Variants in PODXL2 observed in about 807,000 individuals in gnomAD.
PODXL2 encodes the protein podocalyxin like 2.
In PODXL2, 17 loss-of-function variants were observed where a neutral mutation model predicts 53.4. The observed-to-expected ratio is 0.32, with a 90% CI of 0.22 to 0.48. The LOEUF (loss-of-function observed/expected upper bound fraction) is 0.48, where lower values mean the gene tolerates loss of function less well. Among genes scored for constraint, PODXL2 ranks in the 20% least tolerant of loss-of-function variants. The pLI, the probability that PODXL2 is intolerant of heterozygous loss-of-function variation, is 0.99. For synonymous variants in PODXL2, 311 were observed against 306.7 expected, an observed-to-expected ratio of 1.01 and a Z score of -0.15; for missense variants, 673 against 760.0, an observed-to-expected ratio of 0.89 and a Z score of 1.35.
In PODXL2 at chr3:127,668,567, C is replaced by T. The variant is rs1337852440; in HGVS notation, c.1333C>T (p.His445Tyr). 1.3e-6 allele frequency: 2 copies of T among 1,565,686 alleles called. No individual in the cohort carries two copies. Among genetic ancestry groups the T allele is most frequent in the Non-Finnish European group, 1.7e-6 (2 of 1,154,522 alleles). ...SLSKPSEKEQ[H>Y]LLMTLVGEQG... ...GAGCAAGCCCAGCGAGAAGGAGCAG[C>T]ACCTTCTCATGACACTGGTGGGCGA... The change falls in exon 5 of 8, where the codon CAC becomes TAC. Residue 445 changes from histidine to tyrosine, a missense_variant. His to Tyr is a moderately conservative substitution (Grantham distance 83, BLOSUM62 2). Transcript: ENST00000342480.
chr3:127,670,976 G>C (rs1304129811), intron 6 of PODXL2, among the ~76,000 whole-genome samples: 2 of 152,238 alleles, frequency 1.3e-5, no homozygotes, highest in African/African-American at 2.4e-5. Flanking sequence ...ACCGGCCCTG[G>C]CATCAGGAAG....
chr3:127,668,378 G>T (rs1294347607), intron 4 of PODXL2, 63 bp from the exon 5 acceptor site: 41 of 1,390,192 alleles, frequency 2.9e-5, no homozygotes, highest in Non-Finnish European at 3.9e-5. Flanking sequence ...GGGCCTAGAG[G>T]CAGAGGGCTC....
intron 2 of PODXL2, among the ~76,000 whole-genome samples, chr3:127,650,928 G>A (rs534797561): frequency 6.6e-6 from 1 of 152,178 alleles, no homozygotes; most frequent in East Asian, 2.0e-4. Flanking sequence ...CAAAGTGCTG[G>A]GATTACAGGC....
In PODXL2 at chr3:127,672,354, G is replaced by A. The variant is rs2074854264; in HGVS notation, c.1692G>A (p.Met564Ile). 3 of 1,549,680 alleles carry A rather than the reference G, an allele frequency of 1.9e-6. No individual in the cohort carries two copies. The South Asian group carries it at 3.6e-5, about 18-fold the overall frequency. Residue 564 changes from methionine to isoleucine, a missense_variant, in exon 8 of 8, where the codon ATG becomes ATA. Around this residue, in one of 3 missense-constraint regions of PODXL2, gnomAD observed 79 missense variants for 70.5 expected, o/e 1.12. Coordinates refer to ENST00000342480, the MANE Select transcript of PODXL2 (RefSeq NM_015720.4). ...TGGCCAGCGACAGCCAGTCGGAGAT[G>A]CAGGAGAAGCACCCCAGCCTGAACG... Reference protein sequence around the residue: ...LDVASDSQSEMQEKHPSLNGG... With the variant: ...LDVASDSQSEIQEKHPSLNGG...
intron 2 of PODXL2, among the ~76,000 whole-genome samples, chr3:127,650,187 A>G (rs2074679742): frequency 1.3e-5 from 2 of 152,286 alleles, no homozygotes; most frequent in South Asian, 4.1e-4. Flanking sequence ...CAGTTCATTG[A>G]TATTTCAGCC....
chr3:127,663,985 G>T (rs934789864), intron 4 of PODXL2, among the ~76,000 whole-genome samples: 12 of 152,060 alleles, frequency 7.9e-5, no homozygotes, highest in African/African-American at 1.2e-4. Flanking sequence ...TTTTATGGTA[G>T]ATTTTTTTTA....
At chr3:127,665,204 T>TTTA (rs2074789472) in intron 4 of PODXL2, among the ~76,000 whole-genome samples, 3 of 152,390 alleles carry the variant, frequency 2.0e-5, no homozygotes, top group South Asian at 4.1e-4. Flanking sequence ...TTGTCTTGTC[T>TTTA]CTTTAGTCTC....
intron 2 of PODXL2, among the ~76,000 whole-genome samples, chr3:127,646,893 A>G (rs1341860430): frequency 1.3e-5 from 2 of 152,206 alleles, no homozygotes; most frequent in Non-Finnish European, 2.9e-5. Context: ...CTTCTTGCCA[A>G]GGGAGCACAT....
chr3:127,634,761 C>T (rs2107703021), intron 1 of PODXL2, among the ~76,000 whole-genome samples: 1 of 152,128 alleles, frequency 6.6e-6, no homozygotes, highest in South Asian at 2.1e-4. Flanking sequence ...ATAAAAAGAC[C>T]TCTCTGAGCT....
intron 2 of PODXL2, among the ~76,000 whole-genome samples, chr3:127,652,697 G>A (rs889483162): frequency 2.6e-5 from 4 of 152,164 alleles, no homozygotes; most frequent in Admixed American, 2.0e-4. Context: ...CCTCACACCT[G>A]TGTCCAGGTG....
chr3:127,656,524 C>T (rs113303390), intron 2 of PODXL2, among the ~76,000 whole-genome samples: 3,128 of 152,112 alleles, frequency 0.021, 108 homozygotes, highest in African/African-American at 0.067. Flanking sequence ...ATCATGAGGT[C>T]AGGAGTTCGA....
chr3:127,648,414 G>A (rs1476631377), intron 2 of PODXL2, among the ~76,000 whole-genome samples: 3 of 152,206 alleles, frequency 2.0e-5, no homozygotes, highest in Non-Finnish European at 2.9e-5. Context: ...AGGATGGGCC[G>A]ATAGCTGTGG....
chr3:127,647,619 C>T (rs969994550), intron 2 of PODXL2, among the ~76,000 whole-genome samples: 3 of 152,252 alleles, frequency 2.0e-5, no homozygotes, highest in African/African-American at 7.2e-5. Context: ...CGGCGTGCCG[C>T]CCTCAACGTG....
intron 2 of PODXL2, among the ~76,000 whole-genome samples, chr3:127,642,003 T>C (rs1177318690): frequency 2.0e-5 from 1 of 50,044 alleles, no homozygotes; most frequent in Admixed American, 2.7e-4. Flanking sequence ...GGTCAAAAGA[T>C]GTATTAGGGC....
intron 2 of PODXL2, among the ~76,000 whole-genome samples, chr3:127,658,161 C>T (rs570753747): frequency 6.6e-6 from 1 of 152,142 alleles, no homozygotes; most frequent in African/African-American, 2.4e-5. Context: ...CAGAAGTGGA[C>T]TGGATAGAAT....
intron 2 of PODXL2, among the ~76,000 whole-genome samples, chr3:127,653,796 T>C (rs948733191): frequency 2.6e-5 from 4 of 152,238 alleles, no homozygotes; most frequent in African/African-American, 9.6e-5. Context: ...ATTAACACTT[T>C]GCCGCAGTTG....
intron 2 of PODXL2, among the ~76,000 whole-genome samples, chr3:127,655,355 G>A (rs1478196470): frequency 3.3e-5 from 5 of 151,092 alleles, no homozygotes; most frequent in Admixed American, 6.6e-5. Context: ...GGAGTGAGCC[G>A]AGATCACACC....
At position 127,633,472 on chromosome 3, in the gene PODXL2, TTGTGTG is replaced by T. The variant is rs60042269; in HGVS notation, c.70+4208_70+4213del. ...AAACAAGAGGGTTGGATTACAAATT[TTGTGTG>T]TGTGTGTGTGTGTGTGTGTGTGTGG... On this transcript the variant is annotated intron_variant, in intron 1 of 7. Transcript: ENST00000342480. Among the ~76,000 whole-genome samples, 1,373 of 140,890 alleles carry T rather than the reference TTGTGTG, an allele frequency of 9.7e-3. 25 individuals carry two copies. The highest frequency in any genetic ancestry group is 0.034 in the African/African-American group (1,276 of 37,838). The allele number at this position is 140,890 out of a possible 152,430, so 92.4% of individuals were successfully genotyped here. A position where few individuals can be genotyped will look rare whatever the true frequency, so the allele number is the denominator to read the frequency against.
rs766672858 is a variant in PODXL2, at chr3:127,672,460, G to A, written c.1798G>A (p.Glu600Lys). Residue 600 changes from glutamate (E) to lysine (K), a missense_variant, in exon 8 of 8, where the codon GAG becomes AAG. Around this residue, in one of 3 missense-constraint regions of PODXL2, gnomAD observed 79 missense variants for 70.5 expected, o/e 1.12. Transcript: ENST00000342480. ...GGACCCCGAGGACTCGGACGTGTTCGAGGAGGACACGCACCTGTGAGCGCA... is the reference window on the plus strand; with the variant it reads ...GGACCCCGAGGACTCGGACGTGTTCAAGGAGGACACGCACCTGTGAGCGCA... ...KRDPEDSDVF[E>K]EDTHL is the part of the protein sequence containing the mutation. The A allele has an allele frequency of 5.9e-6, 9 of 1,529,916 alleles. No homozygotes were observed. Among genetic ancestry groups the A allele is most frequent in the Non-Finnish European group, 7.9e-6 (9 of 1,140,742 alleles). 94.8% of individuals were successfully genotyped at this position (1,529,916 alleles called of 1,614,324 possible).
Sources: gnomAD v4.1 joint callset for allele counts (sites outside exome capture counted in the v4.1 genomes callset) on GRCh38, gnomAD v4.1.1 for gene constraint, gnomAD v4.1.1 regional missense constraint, MANE v1.5 for transcripts, NCBI Gene and HGNC (gene_info 2026-07-23, HGNC 2026-07-21) for gene names.